Variants in TBC1D5 observed in about 807,000 individuals in gnomAD.
TBC1D5 encodes the protein TBC1 domain family, member 5.
A neutral mutation model predicts 100.3 loss-of-function variants in TBC1D5; 75 were observed. The observed-to-expected ratio is 0.75, with a 90% CI of 0.62 to 0.91. TBC1D5 has a LOEUF of 0.91. TBC1D5 is among the 40% of genes least tolerant of loss of function. The pLI is 0.00. For missense variants in TBC1D5, 910 were observed against 942.4 expected (o/e 0.97, Z 0.45); for synonymous variants, 323 against 325.6 (o/e 0.99, Z 0.09).
intron 2 of TBC1D5, among the ~76,000 whole-genome samples, chr3:17,578,040 T>C (rs959244470): frequency 2.6e-5 from 4 of 152,024 alleles, no homozygotes; most frequent in Non-Finnish European, 4.4e-5. Flanking sequence ...AGGAAACCCA[T>C]TGTAATCTCT....
At chr3:17,265,378 G>A (rs1454690971) in intron 15 of TBC1D5, among the ~76,000 whole-genome samples, 1 of 151,974 alleles carries the variant, frequency 6.6e-6, no homozygotes, top group Non-Finnish European at 1.5e-5. Flanking sequence ...CTAATATCTT[G>A]CTACCAACCC....
chr3:17,377,628 C>G (rs974793263), intron 9 of TBC1D5, among the ~76,000 whole-genome samples: 1 of 151,840 alleles, frequency 6.6e-6, no homozygotes, highest in African/African-American at 2.4e-5. Context: ...AAATATTTTG[C>G]TGGTAGAATT....
At position 17,693,872 on chromosome 3, in the gene TBC1D5, G is replaced by A. The variant is rs181369187; in HGVS notation, c.-101+45471C>T. On this transcript the variant is annotated intron_variant, in intron 1 of 21. Coordinates refer to ENST00000253692, the Ensembl canonical transcript of TBC1D5. ...ATATAAGCGGGTGCCCCTCTGGGACGAAGCTTCCAGAGGAAGGATCAGGCA... is the reference window on the plus strand; with the variant it reads ...ATATAAGCGGGTGCCCCTCTGGGACAAAGCTTCCAGAGGAAGGATCAGGCA... Among the ~76,000 whole-genome samples the A allele has an allele frequency of 1.2e-3, 180 of 152,248 alleles. 2 individuals carry two copies. The South Asian group carries it at 0.018, about 15-fold the overall frequency.
intron 13 of TBC1D5, chr3:17,333,394 T>C (rs1271901327): frequency 1.3e-5 from 2 of 152,290 alleles, no homozygotes; most frequent in Non-Finnish European, 2.9e-5. Flanking sequence ...CAGTTAATGA[T>C]GGTTAATAAA....
Position 17,323,821 on chromosome 3 carries a change from C to G in TBC1D5, c.996-15687G>C, listed in dbSNP as rs560982969. On this transcript the variant is annotated intron_variant, in intron 13 of 21. Transcript: ENST00000253692. Reference sequence around the variant, plus strand: ...CTTGATTTCTGGAAAAATGAACAGGCTGACCCTAAAATGTGAATTGAAGAG... The same window carrying G: ...CTTGATTTCTGGAAAAATGAACAGGGTGACCCTAAAATGTGAATTGAAGAG... Among the ~76,000 whole-genome samples, 384 of 152,206 alleles carry G rather than the reference C, an allele frequency of 2.5e-3. 1 individual carries two copies. The highest frequency in any genetic ancestry group is 4.2e-3 in the Non-Finnish European group (284 of 68,006).
chr3:17,344,275 GACAA>G (rs1178211974), intron 13 of TBC1D5, among the ~76,000 whole-genome samples: 7 of 152,000 alleles, frequency 4.6e-5, no homozygotes, highest in African/African-American at 7.3e-5. Flanking sequence ...ACCAACAACA[GACAA>G]ACAGAGAGCC....
intron 3 of TBC1D5, among the ~76,000 whole-genome samples, chr3:17,444,203 T>G (rs1176764199): frequency 6.6e-6 from 1 of 151,962 alleles, no homozygotes; most frequent in Non-Finnish European, 1.5e-5. Context: ...CATTAAAAAC[T>G]TGTACACTTG....
intron 4 of TBC1D5, among the ~76,000 whole-genome samples, chr3:17,418,146 T>A (rs888017125): frequency 1.3e-5 from 2 of 152,182 alleles, no homozygotes; most frequent in East Asian, 3.8e-4. Flanking sequence ...AAATATTCTG[T>A]CATTTGCAGG....
chr3:17,527,312 A>T (rs1320242932), intron 2 of TBC1D5, among the ~76,000 whole-genome samples: 1 of 152,206 alleles, frequency 6.6e-6, no homozygotes, highest in Admixed American at 6.5e-5. Flanking sequence ...ACCTGAAAGA[A>T]GAGCATGCTG....
chr3:17,263,431 G>A (rs994257031), intron 15 of TBC1D5, among the ~76,000 whole-genome samples: 14 of 147,556 alleles, frequency 9.5e-5, no homozygotes, highest in Non-Finnish European at 1.4e-4. Flanking sequence ...GAAAAGTACA[G>A]AAATCACAAA....
chr3:17,506,764 C>T (rs1477408983), intron 3 of TBC1D5, among the ~76,000 whole-genome samples: 1 of 151,192 alleles, frequency 6.6e-6, no homozygotes, highest in Admixed American at 6.6e-5. Context: ...TTATTTTAAC[C>T]AGGTTAAAAA....
At position 17,567,759 on chromosome 3, in the gene TBC1D5, C is replaced by T. The variant is rs550539784; in HGVS notation, c.-36+56090G>A. 4.0e-5 allele frequency among the ~76,000 whole-genome samples: 6 copies of T among 151,724 alleles called. No individual in the cohort carries two copies. In the South Asian group the frequency reaches 6.2e-4, roughly 16 times the overall value. ...ACATAAATATAAAATGTATATACAG[C>T]GCAGCAGTTAATACTACACATTGAA... On this transcript the variant is annotated intron_variant, in intron 2 of 21. Coordinates refer to ENST00000253692, the Ensembl canonical transcript of TBC1D5.
chr3:17,487,980 A>G (rs532781082), intron 3 of TBC1D5, among the ~76,000 whole-genome samples: 1 of 152,324 alleles, frequency 6.6e-6, no homozygotes, highest in Admixed American at 6.5e-5. Context: ...AATGGTAACA[A>G]ATTATTATTA....
intron 2 of TBC1D5, among the ~76,000 whole-genome samples, chr3:17,580,054 T>A (rs762147555): frequency 3.9e-5 from 6 of 152,142 alleles, no homozygotes; most frequent in Non-Finnish European, 7.4e-5. Context: ...TTCACCCTTG[T>A]TCAAGCAATC....
At chr3:17,195,111 C>A (rs1430401260) in intron 18 of TBC1D5, among the ~76,000 whole-genome samples, 6 of 152,184 alleles carry the variant, frequency 3.9e-5, no homozygotes. Flanking sequence ...CTTCTTAGCC[C>A]TGTAAAAATT....
At chr3:17,442,029 T>C (rs889230698) in intron 3 of TBC1D5, among the ~76,000 whole-genome samples, 3 of 152,090 alleles carry the variant, frequency 2.0e-5, no homozygotes, top group African/African-American at 4.8e-5. Flanking sequence ...GAAAAGTAAA[T>C]AACAGGAGGC....
At chr3:17,357,154 A>C (rs2091292901) in intron 13 of TBC1D5, among the ~76,000 whole-genome samples, 1 of 152,174 alleles carries the variant, frequency 6.6e-6, no homozygotes, top group Admixed American at 6.5e-5. Flanking sequence ...GGATGCAGTA[A>C]GGGCCAAGTG....
At chr3:17,673,311 C>CGT (rs746420537) in intron 1 of TBC1D5, among the ~76,000 whole-genome samples, 2 of 125,982 alleles carry the variant, frequency 1.6e-5, no homozygotes, top group Non-Finnish European at 3.3e-5. Context: ...CTTTTCTTTT[C>CGT]TTTTTTTTTT....
chr3:17,161,911 T>C (rs530079711), intron 21 of TBC1D5, among the ~76,000 whole-genome samples: 1 of 152,350 alleles, frequency 6.6e-6, no homozygotes, highest in East Asian at 1.9e-4. Context: ...TCTACAAATG[T>C]GAAAACCAAG....
Sources: gnomAD v4.1 joint callset for allele counts (sites outside exome capture counted in the v4.1 genomes callset) on GRCh38, gnomAD v4.1.1 for gene constraint, MANE v1.5 for transcripts, NCBI Gene and HGNC (gene_info 2026-07-23, HGNC 2026-07-21) for gene names.